Variants in DLG2 observed in about 807,000 individuals in gnomAD.
DLG2 encodes disks large homolog 2.
Under a neutral mutation model 132.5 loss-of-function variants are expected in DLG2, and 45 were observed. The observed-to-expected ratio is 0.34, with a 90% CI of 0.27 to 0.44. The LOEUF (loss-of-function observed/expected upper bound fraction) is 0.44. Ranked by LOEUF, DLG2 falls within the 20% of genes least tolerant of loss-of-function variation. The pLI, the probability that DLG2 is intolerant of heterozygous loss-of-function variation, is 1.00. For missense variants in DLG2, 1,045 were observed against 1,196.9 expected (o/e 0.87, Z 1.87); for synonymous variants, 424 against 419.6 (o/e 1.01, Z -0.13).
At chr11:83,684,780 C>G (rs889502238) in intron 18 of DLG2, among the ~76,000 whole-genome samples, 1 of 152,050 alleles carries the variant, frequency 6.6e-6, no homozygotes, top group Non-Finnish European at 1.5e-5. Context: ...CCATTTCTTC[C>G]CTGTCCATTT....
chr11:83,462,814 T>C (rs1465225354), intron 26 of DLG2, among the ~76,000 whole-genome samples: 1 of 152,144 alleles, frequency 6.6e-6, no homozygotes, highest in African/African-American at 2.4e-5. Context: ...CTATTATATA[T>C]AAATTTTTTT....
chr11:84,572,011 G>A lies in DLG2; in HGVS notation c.358-37280C>T, dbSNP rs138626087. 8.0e-4 allele frequency among the ~76,000 whole-genome samples: 122 copies of A among 151,998 alleles called. 2 individuals are homozygous for A. In the East Asian group the frequency reaches 0.022, roughly 28 times the overall value. On this transcript the variant is annotated intron_variant, in intron 6 of 27. Transcript: ENST00000376104. Reference sequence around the variant, plus strand: ...TACTTCCATTCTCATTTTACATGGAGAGAACTGAGGCTCTGAGTCCTTAAG... The same window carrying A: ...TACTTCCATTCTCATTTTACATGGAAAGAACTGAGGCTCTGAGTCCTTAAG...
chr11:84,555,473 T>C (rs2099410118), intron 6 of DLG2, among the ~76,000 whole-genome samples: 1 of 152,162 alleles, frequency 6.6e-6, no homozygotes, highest in Non-Finnish European at 1.5e-5. Flanking sequence ...TAAAATGTTA[T>C]TCAGCTTTAA....
chr11:84,395,754 T>C (rs1320889796), intron 7 of DLG2, among the ~76,000 whole-genome samples: 2 of 152,232 alleles, frequency 1.3e-5, no homozygotes, highest in Non-Finnish European at 2.9e-5. Flanking sequence ...AATACCATGT[T>C]GTACATGATA....
intron 6 of DLG2, among the ~76,000 whole-genome samples, chr11:84,799,003 A>G (rs1598382789): frequency 6.6e-6 from 1 of 152,002 alleles, no homozygotes; most frequent in Non-Finnish European, 1.5e-5. Flanking sequence ...AGTCACTTTC[A>G]TTGCTAGAAG....
At chr11:84,799,024 T>C (rs2075039756) in intron 6 of DLG2, among the ~76,000 whole-genome samples, 1 of 152,172 alleles carries the variant, frequency 6.6e-6, no homozygotes, top group African/African-American at 2.4e-5. Flanking sequence ...CTGCACTGCC[T>C]GGAGGCGAGG....
chr11:84,803,497 C>T (rs957257667), intron 6 of DLG2, among the ~76,000 whole-genome samples: 3 of 152,148 alleles, frequency 2.0e-5, no homozygotes, highest in Non-Finnish European at 4.4e-5. Flanking sequence ...TTATATATTT[C>T]TGATAAGCAC....
intron 15 of DLG2, among the ~76,000 whole-genome samples, chr11:83,877,071 T>A (rs754115819): frequency 5.3e-5 from 8 of 152,138 alleles, no homozygotes; most frequent in Non-Finnish European, 8.8e-5. Context: ...GAAATGCTTA[T>A]TAGTTTCTTG....
intron 16 of DLG2, among the ~76,000 whole-genome samples, chr11:83,840,373 C>T (rs547737077): frequency 5.9e-5 from 9 of 152,182 alleles, no homozygotes; most frequent in Non-Finnish European, 1.2e-4. Context: ...TAAACTCCCA[C>T]AGTGATTAAG....
intron 6 of DLG2, chr11:84,763,257 G>A (rs943116863): frequency 6.6e-6 from 1 of 152,122 alleles, no homozygotes; most frequent in Non-Finnish European, 1.5e-5. Flanking sequence ...CTTCTCAAGG[G>A]CAGTGATGGT....
At chr11:85,143,938 C>A (rs1229115748) in intron 5 of DLG2, among the ~76,000 whole-genome samples, 1 of 151,748 alleles carries the variant, frequency 6.6e-6, no homozygotes, top group Admixed American at 6.6e-5. Context: ...ATCTATTAGG[C>A]CCATTTGGTT....
At chr11:84,939,234 C>T (rs2049099946) in intron 6 of DLG2, among the ~76,000 whole-genome samples, 1 of 151,936 alleles carries the variant, frequency 6.6e-6, no homozygotes, top group Non-Finnish European at 1.5e-5. Flanking sequence ...TCATTTACAA[C>T]AACAGATCTT....
At chr11:84,855,582 A>G (rs185892143) in intron 6 of DLG2, among the ~76,000 whole-genome samples, 3 of 152,154 alleles carry the variant, frequency 2.0e-5, no homozygotes, top group Admixed American at 2.0e-4. Flanking sequence ...TCTCATTATT[A>G]AAACATGCAG....
chr11:85,072,890 T>C (rs11234289), intron 6 of DLG2, among the ~76,000 whole-genome samples: 40,474 of 151,770 alleles, frequency 0.27, 5,730 homozygotes, highest in South Asian at 0.34. Context: ...CAACAGATAT[T>C]TTGGATGATG....
Position 83,618,689 on chromosome 11 carries a change from T to C in DLG2, c.1940+14522A>G, listed in dbSNP as rs78133407. Among the ~76,000 whole-genome samples, 48 of 152,306 alleles carry C rather than the reference T, an allele frequency of 3.2e-4. 1 individual carries two copies. In the East Asian group the frequency reaches 8.5e-3, roughly 27 times the overall value. ...ACTCTGCTGTGAACTCATAAATGCA[T>C]GGCTGATTGAGTTAGAATTCTACAG... On this transcript the variant is annotated intron_variant, in intron 19 of 27. Coordinates refer to ENST00000376104, the MANE Select transcript of DLG2 (RefSeq NM_001142699.3).
chr11:84,571,679 T>C (rs986780699), intron 6 of DLG2, among the ~76,000 whole-genome samples: 5 of 152,092 alleles, frequency 3.3e-5, no homozygotes, highest in Non-Finnish European at 7.4e-5. Flanking sequence ...GACATGTAGA[T>C]GTAAAAAGTT....
chr11:84,642,105 G>C (rs977621627), intron 6 of DLG2, among the ~76,000 whole-genome samples: 1 of 134,914 alleles, frequency 7.4e-6, no homozygotes, highest in Admixed American at 7.3e-5. Flanking sequence ...GTGTGTGTGT[G>C]TGTATATGTA....
chr11:83,880,187 C>T (rs1476175811), intron 15 of DLG2, among the ~76,000 whole-genome samples: 1 of 151,758 alleles, frequency 6.6e-6, no homozygotes, highest in Non-Finnish European at 1.5e-5. Flanking sequence ...GGTGGGCTCT[C>T]CAAGGTTATT....
intron 6 of DLG2, among the ~76,000 whole-genome samples, chr11:84,710,030 G>T (rs1266513898): frequency 6.6e-6 from 1 of 151,848 alleles, no homozygotes; most frequent in Non-Finnish European, 1.5e-5. Context: ...TACTGTATGG[G>T]CCCTCATCTG....
Sources: allele counts gnomAD v4.1 joint callset (sites outside exome capture counted in the v4.1 genomes callset), GRCh38; gene constraint gnomAD v4.1.1; transcripts MANE v1.5; gene names NCBI Gene and HGNC (gene_info 2026-07-23, HGNC 2026-07-21).